RYR2: variants seen among roughly 807,000 people sequenced by gnomAD.
The protein encoded by RYR2 is ryanodine receptor 2, also known as cardiac muscle ryanodine receptor-calcium release channel.
In RYR2, 227 loss-of-function variants were observed where a neutral mutation model predicts 601.1. The ratio of observed to expected loss-of-function variants is 0.38; its 90% CI spans 0.34 to 0.42. RYR2 has a LOEUF of 0.42. Ranked by LOEUF, RYR2 falls within the 10% of genes least tolerant of loss-of-function variation. The probability of loss-of-function intolerance (pLI) is 1.00; values close to 1 mark genes in which losing one functional copy is unlikely to be tolerated. For synonymous variants in RYR2, 2,223 were observed against 2,175.1 expected, an observed-to-expected ratio of 1.02 and a Z score of -0.61; for missense variants, 4,646 against 6,156.5, an observed-to-expected ratio of 0.75 and a Z score of 8.21.
intron 1 of RYR2, among the ~76,000 whole-genome samples, chr1:237,127,495 G>A (rs1429781575): frequency 1.3e-5 from 2 of 151,550 alleles, no homozygotes; most frequent in Admixed American, 6.6e-5. Flanking sequence ...CGGACGGGGC[G>A]GCTGGCCGGG....
At chr1:237,722,413 ATCTG>A (rs1689803346) in intron 73 of RYR2, among the ~76,000 whole-genome samples, 1 of 150,902 alleles carries the variant, frequency 6.6e-6, no homozygotes, top group African/African-American at 2.4e-5. Context: ...CCAGGACTTT[ATCTG>A]TCTTTCTTAG....
chr1:237,240,134 G>A (rs772935646), intron 1 of RYR2, among the ~76,000 whole-genome samples: 1 of 152,146 alleles, frequency 6.6e-6, no homozygotes. Context: ...TTGAATTCCA[G>A]GTATTTTCAG....
At chr1:237,625,219 C>G (rs1679524063) in intron 39 of RYR2, among the ~76,000 whole-genome samples, 1 of 152,100 alleles carries the variant, frequency 6.6e-6, no homozygotes, top group South Asian at 2.1e-4. Context: ...CCTGTTCTCT[C>G]TGTTTCTCAA....
intron 2 of RYR2, among the ~76,000 whole-genome samples, chr1:237,297,220 C>A (rs1396259835): frequency 1.3e-5 from 2 of 151,990 alleles, no homozygotes; most frequent in African/African-American, 4.8e-5. Context: ...TCACAGAATG[C>A]GAGGGCAAAG....
chr1:237,066,641 C>CTT (rs71178383), intron 1 of RYR2, among the ~76,000 whole-genome samples: 11 of 147,076 alleles, frequency 7.5e-5, no homozygotes, highest in Non-Finnish European at 1.5e-4. Context: ...CCGTGTCTTT[C>CTT]TTTTTTTTTT....
chr1:237,125,026 G>A (rs1671253214), intron 1 of RYR2, among the ~76,000 whole-genome samples: 1 of 152,186 alleles, frequency 6.6e-6, no homozygotes. Flanking sequence ...AGCGAAAACT[G>A]GTAGAAACTA....
intron 29 of RYR2, among the ~76,000 whole-genome samples, chr1:237,580,760 T>G (rs1673825186): frequency 6.6e-6 from 1 of 152,176 alleles, no homozygotes; most frequent in African/African-American, 2.4e-5. Context: ...GTGTGGGGCC[T>G]TAATCCAGTA....
At chr1:237,758,074 C>G (rs1402982761) in intron 82 of RYR2, among the ~76,000 whole-genome samples, 1 of 152,280 alleles carries the variant, frequency 6.6e-6, no homozygotes, top group Non-Finnish European at 1.5e-5. Context: ...CAAACTGTGG[C>G]TCTCTGGTTA....
intron 76 of RYR2, among the ~76,000 whole-genome samples, chr1:237,728,664 C>T (rs1690411454): frequency 6.6e-6 from 1 of 151,894 alleles, no homozygotes; most frequent in African/African-American, 2.4e-5. Flanking sequence ...AACCATCATT[C>T]TCAGCAAACT....
intron 56 of RYR2, among the ~76,000 whole-genome samples, chr1:237,661,601 G>A (rs913911591): frequency 3.3e-5 from 5 of 152,236 alleles, no homozygotes; most frequent in African/African-American, 1.2e-4. Flanking sequence ...TTGTCTATAG[G>A]GCTTTCTTCT....
At chr1:237,542,765 C>G (rs1389461113) in intron 25 of RYR2, among the ~76,000 whole-genome samples, 1 of 152,108 alleles carries the variant, frequency 6.6e-6, no homozygotes, top group Non-Finnish European at 1.5e-5. Flanking sequence ...TGCCACAGCC[C>G]CATCAGCCTG....
intron 1 of RYR2, among the ~76,000 whole-genome samples, chr1:237,064,625 T>A (rs180921810): frequency 3.7e-4 from 56 of 152,236 alleles, no homozygotes; most frequent in Admixed American, 2.2e-3. Context: ...TCCAGGCACA[T>A]CATTGTCATC....
intron 1 of RYR2, among the ~76,000 whole-genome samples, chr1:237,053,211 C>T (rs1010158397): frequency 3.3e-5 from 5 of 152,198 alleles, no homozygotes; most frequent in Admixed American, 1.3e-4. Context: ...TCTGTCATGA[C>T]ATGTTTCCAA....
At chr1:237,210,486 C>A (rs1682454033) in intron 1 of RYR2, among the ~76,000 whole-genome samples, 1 of 152,130 alleles carries the variant, frequency 6.6e-6, no homozygotes, top group Non-Finnish European at 1.5e-5. Context: ...TTTCTTGTAT[C>A]TCTCATGCAT....
At chr1:237,664,777 A>C (rs1256120596) in intron 56 of RYR2, among the ~76,000 whole-genome samples, 1 of 152,174 alleles carries the variant, frequency 6.6e-6, no homozygotes, top group East Asian at 1.9e-4. Context: ...TGTGTCCCCA[A>C]ATCAATAGCT....
chr1:237,293,501 C>T (rs1692452578), intron 2 of RYR2, among the ~76,000 whole-genome samples: 1 of 152,158 alleles, frequency 6.6e-6, no homozygotes, highest in South Asian at 2.1e-4. Context: ...GCCACCGCAC[C>T]CGGCCTGCCC....
At chr1:237,623,715 C>A in intron 38 of RYR2, 50 bp from the exon 39 acceptor site, 1 of 1,261,362 alleles carries the variant, frequency 7.9e-7, no homozygotes, top group Non-Finnish European at 1.2e-6. Context: ...CTTGAATTCA[C>A]CTTTCTTTTC....
intron 14 of RYR2, among the ~76,000 whole-genome samples, chr1:237,445,904 C>T (rs1708294226): frequency 1.3e-5 from 2 of 152,100 alleles, no homozygotes; most frequent in Admixed American, 1.3e-4. Context: ...GCATCCTCTG[C>T]CTCCTGGGTT....
intron 29 of RYR2, among the ~76,000 whole-genome samples, chr1:237,575,048 C>T (rs1673087712): frequency 6.6e-6 from 1 of 152,154 alleles, no homozygotes; most frequent in Admixed American, 6.5e-5. Flanking sequence ...ACTCACAAGA[C>T]TATCAAAGAC....
Sources: allele counts gnomAD v4.1 joint callset (sites outside exome capture counted in the v4.1 genomes callset), GRCh38; gene constraint gnomAD v4.1.1; transcripts MANE v1.5; gene names NCBI Gene and HGNC (gene_info 2026-07-23, HGNC 2026-07-21).